The following SAMMSON variants were observed in gnomAD, a reference collection of about 807,000 sequenced individuals.
SAMMSON encodes the protein long intergenic non-protein coding RNA 1212.
chr3:70,028,124 TCCGTC>T (rs1425703528), intron 3 of SAMMSON, among the ~76,000 whole-genome samples: 5 of 147,236 alleles, frequency 3.4e-5, no homozygotes, highest in African/African-American at 1.3e-4. Flanking sequence ...CTTCCTTCCT[TCCGTC>T]CCTTCCTTCC....
In SAMMSON at chr3:70,028,607, A is replaced by G. The variant is rs77636307; in HGVS notation, n.417+14935A>G. Among the ~76,000 whole-genome samples, 620 of 152,328 alleles carry G rather than the reference A, an allele frequency of 4.1e-3. 6 individuals are homozygous for G. Among genetic ancestry groups the G allele is most frequent in the African/African-American group, 0.014 (596 of 41,574 alleles). On this transcript the variant is annotated intron_variant and non_coding_transcript_variant, in intron 3 of 9. Transcript: ENST00000642114. ...TAAATTTGAGAAATTAAGAGGTAAAATGAAATATTTAATGGAAGATTTTGG... is the reference window on the plus strand; with the variant it reads ...TAAATTTGAGAAATTAAGAGGTAAAGTGAAATATTTAATGGAAGATTTTGG...
At chr3:70,251,678 C>T (rs1013104206) in intron 6 of SAMMSON, among the ~76,000 whole-genome samples, 1 of 152,100 alleles carries the variant, frequency 6.6e-6, no homozygotes, top group Non-Finnish European at 1.5e-5. Flanking sequence ...ATTGCCATTA[C>T]TTTTAATGGC....
intron 7 of SAMMSON, among the ~76,000 whole-genome samples, chr3:70,352,731 A>G (rs1702802463): frequency 6.6e-6 from 1 of 152,098 alleles, no homozygotes; most frequent in African/African-American, 2.4e-5. Flanking sequence ...TATAAACACA[A>G]TTTTGTAGAA....
chr3:70,419,556 T>C (rs999904872), intron 2 of SAMMSON, among the ~76,000 whole-genome samples: 1 of 152,146 alleles, frequency 6.6e-6, no homozygotes, highest in Non-Finnish European at 1.5e-5. Context: ...CTTGAGAAAG[T>C]CAATTCCAGG....
At chr3:70,390,079 T>C, downstream of SAMMSON, among the ~76,000 whole-genome samples, 1 of 152,082 alleles carries the variant, frequency 6.6e-6, no homozygotes, top group Non-Finnish European at 1.5e-5. Context: ...TAACCTATAA[T>C]TTAAAGACAG....
At chr3:70,320,190 T>C (rs974842663) in intron 7 of SAMMSON, among the ~76,000 whole-genome samples, 2 of 152,020 alleles carry the variant, frequency 1.3e-5, no homozygotes, top group African/African-American at 4.8e-5. Context: ...ACAGACATGA[T>C]ATAAGCTGTA....
chr3:70,242,704 G>A (rs1408634548), intron 4 of SAMMSON, among the ~76,000 whole-genome samples: 2 of 152,154 alleles, frequency 1.3e-5, no homozygotes, highest in Non-Finnish European at 2.9e-5. Flanking sequence ...CAACTTGTCT[G>A]GTGGAATTAC....
downstream of SAMMSON, among the ~76,000 whole-genome samples, chr3:70,393,491 A>G (rs1483395409): frequency 2.0e-5 from 3 of 152,206 alleles, no homozygotes; most frequent in African/African-American, 7.2e-5. Flanking sequence ...GCCATGAGCA[A>G]TGCTACAGCT....
chr3:70,180,412 C>G (rs1458533954), intron 4 of SAMMSON, among the ~76,000 whole-genome samples: 1 of 151,946 alleles, frequency 6.6e-6, no homozygotes, highest in Non-Finnish European at 1.5e-5. Flanking sequence ...ACTGTATATA[C>G]TACCTACATA....
At chr3:70,370,820 TA>T in intron 9 of SAMMSON, among the ~76,000 whole-genome samples, 1 of 152,100 alleles carries the variant, frequency 6.6e-6, no homozygotes, top group Non-Finnish European at 1.5e-5. Context: ...TTTAGTTTAA[TA>T]TAGTCCTATT....
intron 4 of SAMMSON, among the ~76,000 whole-genome samples, chr3:70,163,352 T>TAG (rs1214588767): frequency 1.3e-3 from 197 of 147,768 alleles, no homozygotes; most frequent in African/African-American, 2.1e-3. Flanking sequence ...AATATATATA[T>TAG]ATAGAGAGAG....
intron 7 of SAMMSON, among the ~76,000 whole-genome samples, chr3:70,296,884 T>G (rs1240550977): frequency 2.0e-5 from 3 of 152,062 alleles, no homozygotes. Context: ...CATTTAATGT[T>G]TCCCATTGCC....
chr3:70,334,225 C>A (rs1702645883), intron 7 of SAMMSON, among the ~76,000 whole-genome samples: 1 of 151,812 alleles, frequency 6.6e-6, no homozygotes, highest in South Asian at 2.1e-4. Context: ...CATGATAAGA[C>A]CTAAAAAACA....
At chr3:70,134,086 A>T (rs1406308285) in intron 4 of SAMMSON, among the ~76,000 whole-genome samples, 1 of 136,070 alleles carries the variant, frequency 7.3e-6, no homozygotes, top group African/African-American at 2.9e-5. Context: ...TACTGAAAAT[A>T]CAAAAAAAAA....
downstream of SAMMSON, among the ~76,000 whole-genome samples, chr3:70,393,367 G>A (rs931459584): frequency 1.3e-5 from 2 of 152,164 alleles, no homozygotes; most frequent in African/African-American, 2.4e-5. Context: ...TGCTTTGTAC[G>A]ATGCTTAACA....
chr3:70,013,127 C>G (rs952770527), intron 2 of SAMMSON, among the ~76,000 whole-genome samples: 1 of 152,004 alleles, frequency 6.6e-6, no homozygotes, highest in African/African-American at 2.4e-5. Flanking sequence ...AACACTTGAA[C>G]AGTTTCTGGC....
chr3:70,406,745 G>C (rs891022348), intron 2 of SAMMSON, among the ~76,000 whole-genome samples: 2 of 152,102 alleles, frequency 1.3e-5, no homozygotes, highest in East Asian at 3.8e-4. Flanking sequence ...TGATGGAGGA[G>C]ATTAATTGGA....
chr3:70,328,759 A>C (rs533021883), intron 7 of SAMMSON, among the ~76,000 whole-genome samples: 36 of 152,250 alleles, frequency 2.4e-4, no homozygotes, highest in South Asian at 6.2e-4. Flanking sequence ...AATACATTTG[A>C]AGAAATAATG....
chr3:70,290,486 G>C (rs1056298266), intron 6 of SAMMSON, among the ~76,000 whole-genome samples: 1 of 152,186 alleles, frequency 6.6e-6, no homozygotes, highest in Non-Finnish European at 1.5e-5. Flanking sequence ...GGACATTTAA[G>C]TCTGCAGAGG....
Sources: gnomAD v4.1 joint callset for allele counts (sites outside exome capture counted in the v4.1 genomes callset) on GRCh38, gnomAD v4.1.1 for gene constraint, MANE v1.5 for transcripts, NCBI Gene and HGNC (gene_info 2026-07-23, HGNC 2026-07-21) for gene names.